MZF1: variants seen among roughly 807,000 people sequenced by gnomAD.
MZF1 encodes the protein zinc finger and SCAN domain-containing protein 6.
In MZF1, 24 loss-of-function variants were observed where a neutral mutation model predicts 28.6. That is an observed-to-expected ratio of 0.84 (90% CI 0.61 to 1.18). MZF1 has a LOEUF of 1.18. MZF1 is among the 50% of genes most tolerant of loss of function. The pLI is 0.00. For synonymous variants in MZF1, 516 were observed against 432.5 expected (o/e 1.19, Z -2.40); for missense variants, 1,166 against 1,026.4 (o/e 1.14, Z -1.86).
At chr19:58,567,704 T>C (rs1037080531) in intron 5 of MZF1, among the ~76,000 whole-genome samples, 2 of 152,226 alleles carry the variant, frequency 1.3e-5, no homozygotes, top group Non-Finnish European at 2.9e-5. Flanking sequence ...GGTTCCCCTA[T>C]GTCCCTTCCA....
chr19:58,573,276 C>T lies in MZF1; in HGVS notation c.-262G>A, dbSNP rs1854637687. ...GGCCGCTTCTTCCCATGCTCCCCGC[C>T]TCGAATCCGTGCGTCGGCATGCGCA... is the stretch of plus-strand genomic sequence containing the variant. On this transcript the variant is annotated 5_prime_UTR_variant, in exon 1 of 6. Transcript: ENST00000215057. 1 of 152,716 alleles carries T rather than the reference C, an allele frequency of 6.5e-6. No individual in the cohort carries two copies. Among genetic ancestry groups the T allele is most frequent in the African/African-American group, 2.4e-5 (1 of 41,472 alleles). The allele number at this position is 152,716 out of a possible 1,614,324, so 9.5% of individuals were successfully genotyped here.
intron 1 of MZF1, chr19:58,571,768 A>C: frequency 5.1e-6 from 1 of 196,100 alleles, no homozygotes. Flanking sequence ...TGCAGACTTG[A>C]CCTCCCGGGC....
At chr19:58,570,256 G>T in intron 3 of MZF1, 88 bp downstream of exon 3, 2 of 1,366,768 alleles carry the variant, frequency 1.5e-6, no homozygotes, top group Non-Finnish European at 2.0e-6. Flanking sequence ...AACAAACCTG[G>T]CCCAGTGGAC....
chr19:58,572,490 C>T, intron 1 of MZF1: 4 of 1,216,216 alleles, frequency 3.3e-6, no homozygotes, highest in Non-Finnish European at 4.3e-6. Context: ...TCTGATTCCG[C>T]CCATCTTCAG....
chr19:58,572,703 C>T (rs2054188344), intron 1 of MZF1: 2 of 1,112,194 alleles, frequency 1.8e-6, no homozygotes, highest in Admixed American at 2.3e-5. Context: ...TTCAAGGTGC[C>T]AAGTCAACCT....
At chr19:58,572,739 T>C (rs2054189058) in intron 1 of MZF1, 4 of 722,818 alleles carry the variant, frequency 5.5e-6, no homozygotes, top group Admixed American at 2.7e-5. Flanking sequence ...ACTTGGGTCA[T>C]AGCCAAGATG....
intron 5 of MZF1, chr19:58,569,037 C>T (rs975798545): frequency 3.3e-5 from 15 of 450,014 alleles, no homozygotes; most frequent in Non-Finnish European, 5.5e-5. Flanking sequence ...AAAGGTTTTA[C>T]TAGGGTGGGG....
chr19:58,562,188 T>C lies in MZF1; in HGVS notation c.2089A>G (p.Thr697Ala). The C allele has an allele frequency of 6.2e-7, 1 of 1,606,466 alleles. No homozygotes were observed. ...GKAFRQRPTLTQHLRTHRREK... is the reference protein window; with the variant it reads ...GKAFRQRPTLAQHLRTHRREK... The stretch of plus-strand genomic sequence containing the variant: ...CGTCGGTGGGTGCGCAGATGCTGCG[T>C]GAGCGTGGGCCGCTGGCGGAAGGCC... The change falls in exon 6 of 6, where the codon ACG becomes GCG. Residue 697 changes from threonine (T) to alanine (A), a missense_variant. Physicochemically the swap from Thr to Ala is moderately conservative, Grantham distance 58. Coordinates refer to ENST00000215057, the MANE Select transcript of MZF1 (RefSeq NM_198055.2).
Position 58,571,260 on chromosome 19 carries a change from G to T in MZF1, c.130C>A (p.Arg44Ser), listed in dbSNP as rs199500324. The T allele has an allele frequency of 1.2e-6, 2 of 1,613,210 alleles. No homozygotes were observed. Among genetic ancestry groups the T allele is most frequent in the South Asian group, 1.1e-5 (1 of 90,920 alleles). The change falls in exon 2 of 6, where the codon CGC becomes AGC. Residue 44 changes from arginine (R) to serine (S), a missense_variant. Coordinates refer to ENST00000215057, the MANE Select transcript of MZF1 (RefSeq NM_198055.2). ...ALWDPGPEAA[R>S]LRFRCFRYEE... is the part of the protein sequence containing the mutation. ...TAGCGGAAGCACCGGAAACGCAGGCGTGCAGCTTCAGGGCCTGGGTCCCAT... is the reference window on the plus strand; with the variant it reads ...TAGCGGAAGCACCGGAAACGCAGGCTTGCAGCTTCAGGGCCTGGGTCCCAT...
rs765568404 is a variant in MZF1 at position 58,569,279 on chromosome 19, G to A, written c.770C>T (p.Pro257Leu). The change falls in exon 5 of 6, where the codon CCA becomes CTA. Residue 257 changes from proline to leucine, a missense_variant and splice_region_variant. Physicochemically the swap from Pro to Leu is moderately conservative, Grantham distance 98 (BLOSUM62 -3). Transcript: ENST00000215057. ...WHEEAGGIFS[P>L]GFALQLGSIS... Reference sequence around the variant, plus strand: ...CCACCACACCCCATCTCACTTACCTGGGGAGAAGATGCCCCCAGCTTCCTC... The same window carrying A: ...CCACCACACCCCATCTCACTTACCTAGGGAGAAGATGCCCCCAGCTTCCTC... 3 of 1,600,284 alleles carry A rather than the reference G, an allele frequency of 1.9e-6. No homozygotes were observed. The highest frequency in any genetic ancestry group is 2.6e-6 in the Non-Finnish European group (3 of 1,173,788).
Position 58,571,428 on chromosome 19 carries a change from C to T in MZF1, c.-39G>A. 6.2e-7 allele frequency: 1 copy of T among 1,609,614 alleles called. No individual in the cohort carries two copies. Among genetic ancestry groups the T allele is most frequent in the South Asian group, 1.1e-5 (1 of 90,726 alleles). On this transcript the variant is annotated splice_region_variant and 5_prime_UTR_variant, in exon 2 of 6. Coordinates refer to ENST00000215057, the MANE Select transcript of MZF1 (RefSeq NM_198055.2). ...TCAGGTATCTGAGGCCAGTGTCTGC[C>T]CCTGGTGAAGAAATAGGATGAGGCT... is the stretch of plus-strand genomic sequence containing the variant.
intron 5 of MZF1, chr19:58,564,093 G>C (rs2122688554): frequency 6.6e-6 from 1 of 152,428 alleles, no homozygotes; most frequent in East Asian, 1.9e-4. Flanking sequence ...GCCACACTGT[G>C]AGCACTCCAG....
In MZF1 at chr19:58,571,161, C is replaced by T; in HGVS notation, c.229G>A (p.Val77Ile). 1.2e-6 allele frequency: 2 copies of T among 1,613,976 alleles called. No individual in the cohort carries two copies. Among genetic ancestry groups the T allele is most frequent in the Non-Finnish European group, 1.7e-6 (2 of 1,179,958 alleles). ...ELCRQWLRPE[V>I]RSKEQMLELL... is the part of the protein sequence containing the mutation. ...TCCAGCATCTGCTCCTTGGAGCGTA[C>T]CTCTGGACGCAGCCACTGGCGACAC... Residue 77 changes from valine to isoleucine, a missense_variant, in exon 2 of 6, where the codon GTA (valine) becomes ATA (isoleucine). By Grantham distance (29) the Val-to-Ile change is conservative (BLOSUM62 3). Coordinates refer to ENST00000215057, the MANE Select transcript of MZF1 (RefSeq NM_198055.2).
At chr19:58,564,141 C>T (rs986084787) in intron 5 of MZF1, 1 of 152,244 alleles carries the variant, frequency 6.6e-6, no homozygotes, top group African/African-American at 2.4e-5. Flanking sequence ...ACCAGCAACT[C>T]CAACTGAGAA....
Position 58,563,348 on chromosome 19 carries a change from T to G in MZF1, c.929A>C (p.Asp310Ala). ...CGTGGGGTCCTGTTCACTCCTCAGA[T>G]CGCTGGGGAGCAGAAGCGCATGCGC... is the stretch of plus-strand genomic sequence containing the variant. ...GFAHALLLPS[D>A]LRSEQDPTDE... The change falls in exon 6 of 6, where the codon GAT (aspartate) becomes GCT (alanine). Residue 310 changes from aspartate (D) to alanine (A), a missense_variant. Asp to Ala is a moderately radical substitution (Grantham distance 126). Coordinates refer to ENST00000215057, the MANE Select transcript of MZF1 (RefSeq NM_198055.2). 6.2e-7 allele frequency: 1 copy of G among 1,608,506 alleles called. No individual in the cohort carries two copies. The highest frequency in any genetic ancestry group is 1.1e-5 in the South Asian group (1 of 90,214).
At position 58,562,911 on chromosome 19, in the gene MZF1, G is replaced by A. The variant is rs1368472723; in HGVS notation, c.1366C>T (p.Leu456=). The change falls in exon 6 of 6, where the codon CTG becomes TTG. Residue 456 remains leucine, a synonymous_variant. Coordinates refer to ENST00000215057, the MANE Select transcript of MZF1 (RefSeq NM_198055.2). ...GQSFRQRSNL[L]QHQRIHGDPP... Reference sequence around the variant, plus strand: ...TCGCCGTGGATGCGCTGGTGCTGCAGCAGATTGGAGCGCTGCCGGAAGCTC... The same window carrying A: ...TCGCCGTGGATGCGCTGGTGCTGCAACAGATTGGAGCGCTGCCGGAAGCTC... The A allele has an allele frequency of 1.9e-6, 3 of 1,574,054 alleles. No homozygotes were observed. The highest frequency in any genetic ancestry group is 2.8e-5 in the African/African-American group (2 of 71,988).
chr19:58,571,267 T>C lies in MZF1; in HGVS notation c.123A>G (p.Glu41=), dbSNP rs1165976603. The part of the protein sequence containing the change: ...GEAALWDPGP[E]AARLRFRCFR... The stretch of plus-strand genomic sequence containing the variant: ...AGCACCGGAAACGCAGGCGTGCAGC[T>C]TCAGGGCCTGGGTCCCATAAGGCAG... The change falls in exon 2 of 6, where the codon GAA becomes GAG. Residue 41 remains glutamate, a synonymous_variant. Transcript: ENST00000215057. 1 of 1,613,466 alleles carries C rather than the reference T, an allele frequency of 6.2e-7. No individual in the cohort carries two copies. The highest frequency in any genetic ancestry group is 1.3e-5 in the African/African-American group (1 of 75,046).
Position 58,571,479 on chromosome 19 carries a change from T to C in MZF1, c.-40-50A>G, listed in dbSNP as rs532170947. 1.1e-3 allele frequency: 1,620 copies of C among 1,493,868 alleles called. 2 individuals are homozygous for C. The highest frequency in any genetic ancestry group is 1.3e-3 in the Non-Finnish European group (1,470 of 1,095,920). The allele number at this position is 1,493,868 out of a possible 1,614,324, so 92.5% of individuals were successfully genotyped here. On this transcript the variant is annotated intron_variant, in intron 1 of 5. Transcript: ENST00000215057. ...GTTGCAAAAGGAGTACAGTGAATGC[T>C]TCACTGCCTAGTCTATGCTGTACCG...
chr19:58,569,217 CG>C (rs1209663772), intron 5 of MZF1, 59 bp downstream of exon 5: 9 of 1,512,142 alleles, frequency 6.0e-6, no homozygotes, highest in Non-Finnish European at 7.9e-6. Flanking sequence ...GGAGTGGGGT[CG>C]GCAGAGATGG....
Sources: allele counts gnomAD v4.1 joint callset (sites outside exome capture counted in the v4.1 genomes callset), GRCh38; gene constraint gnomAD v4.1.1; transcripts MANE v1.5; gene names NCBI Gene and HGNC (gene_info 2026-07-23, HGNC 2026-07-21).